INPP1: variants seen among roughly 807,000 people sequenced by gnomAD.
The protein encoded by INPP1 is inositol polyphosphate 1-phosphatase.
A neutral mutation model predicts 23.0 loss-of-function variants in INPP1; 18 were observed. The observed-to-expected ratio is 0.78, with a 90% CI of 0.54 to 1.16. INPP1 has a LOEUF of 1.16. Ranked by LOEUF, INPP1 falls within the 50% of genes most tolerant of loss-of-function variation. The pLI, the probability that INPP1 is intolerant of heterozygous loss-of-function variation, is 0.00. For missense variants in INPP1, 448 were observed against 482.1 expected, an observed-to-expected ratio of 0.93 and a Z score of 0.66; for synonymous variants, 164 against 176.3, an observed-to-expected ratio of 0.93 and a Z score of 0.55.
chr2:190,364,307 G>A (rs1463290092), intron 4 of INPP1, among the ~76,000 whole-genome samples: 1 of 151,888 alleles, frequency 6.6e-6, no homozygotes, highest in Non-Finnish European at 1.5e-5. Context: ...TGGGAGGCCA[G>A]GGCGGGTGGA....
intron 4 of INPP1, 40 bp from the exon 5 acceptor site, chr2:190,366,655 C>T (rs1217516186): frequency 1.2e-5 from 17 of 1,405,456 alleles, no homozygotes; most frequent in Non-Finnish European, 1.5e-5. Flanking sequence ...TCCACTGAAA[C>T]TCTTGAAATG....
At chr2:190,357,953 A>G (rs896364864) in intron 2 of INPP1, among the ~76,000 whole-genome samples, 1 of 152,168 alleles carries the variant, frequency 6.6e-6, no homozygotes, top group African/African-American at 2.4e-5. Flanking sequence ...TCTTAAGGAG[A>G]GAACATATTT....
chr2:190,369,699 C>G (rs1423989377), intron 6 of INPP1, among the ~76,000 whole-genome samples: 1 of 152,112 alleles, frequency 6.6e-6, no homozygotes, highest in Non-Finnish European at 1.5e-5. Flanking sequence ...GAAAATTATC[C>G]AATGAAAAGA....
chr2:190,347,954 A>G (rs982343557), intron 1 of INPP1, among the ~76,000 whole-genome samples: 1 of 152,232 alleles, frequency 6.6e-6, no homozygotes, highest in African/African-American at 2.4e-5. Context: ...CCTGGCCAAC[A>G]TGGCGAAACC....
chr2:190,347,935 C>T (rs929092068), intron 1 of INPP1, among the ~76,000 whole-genome samples: 3 of 152,128 alleles, frequency 2.0e-5, no homozygotes, highest in African/African-American at 4.8e-5. Flanking sequence ...GTCAGGAGTT[C>T]GAGACCAGCC....
At chr2:190,366,283 C>G (rs1304062579) in intron 4 of INPP1, among the ~76,000 whole-genome samples, 1 of 146,724 alleles carries the variant, frequency 6.8e-6, no homozygotes, top group African/African-American at 2.5e-5. Flanking sequence ...CTGTCTCTCT[C>G]TCGCTCTCTG....
In INPP1 at chr2:190,371,274, G is replaced by A. The variant is rs765944185; in HGVS notation, c.1072G>A (p.Glu358Lys). ...ACAGTTGGTGTACCACGTGGAAAAT[G>A]AGGGTGCTGCTGGGGTGGATCGGTG... The part of the protein sequence containing the change: ...LPQLVYHVEN[E>K]GAAGVDRWAN... The change falls in exon 7 of 7, where the codon GAG becomes AAG. Residue 358 changes from glutamate to lysine, a missense_variant. Physicochemically the swap from Glu to Lys is moderately conservative, Grantham distance 56. Coordinates refer to ENST00000392329, the MANE Select transcript of INPP1 (RefSeq NM_001128928.2). The surrounding 1 kb of genome is among the most constrained non-coding windows in gnomAD (Gnocchi z 5.3). 7.4e-6 allele frequency: 12 copies of A among 1,612,262 alleles called. No individual in the cohort carries two copies. The Admixed American group carries it at 2.0e-4, about 27-fold the overall frequency.
At chr2:190,344,756 A>G (rs1180315895) in intron 1 of INPP1, among the ~76,000 whole-genome samples, 2 of 152,216 alleles carry the variant, frequency 1.3e-5, no homozygotes, top group African/African-American at 4.8e-5. Flanking sequence ...TCTCATTTTA[A>G]AGGTATTTTT....
At chr2:190,360,349 C>T in intron 3 of INPP1, 43 bp downstream of exon 3, 1 of 1,557,270 alleles carries the variant, frequency 6.4e-7, no homozygotes, top group East Asian at 2.3e-5. Flanking sequence ...ATAGTTGCAT[C>T]TGTGGCTTTC....
At chr2:190,358,254 T>A (rs1689458731) in intron 2 of INPP1, among the ~76,000 whole-genome samples, 1 of 150,800 alleles carries the variant, frequency 6.6e-6, no homozygotes, top group Non-Finnish European at 1.5e-5. Flanking sequence ...AATTTTTGTA[T>A]TTTTTTTTAG....
At chr2:190,370,752 G>A (rs1332805305) in intron 6 of INPP1, 92 bp from the exon 7 acceptor site, 1 of 837,300 alleles carries the variant, frequency 1.2e-6, no homozygotes, top group East Asian at 2.4e-5. Context: ...ATGATGAATT[G>A]TGTATTTCTT....
intron 3 of INPP1, among the ~76,000 whole-genome samples, chr2:190,361,622 C>A (rs934988180): frequency 2.0e-5 from 3 of 152,126 alleles, no homozygotes; most frequent in African/African-American, 7.2e-5. Context: ...AAATTTCAGG[C>A]AGTTGTTTAT....
At chr2:190,365,858 GCT>G (rs370028530) in intron 4 of INPP1, among the ~76,000 whole-genome samples, 8 of 20,936 alleles carry the variant, frequency 3.8e-4, no homozygotes, top group Non-Finnish European at 4.8e-4. Flanking sequence ...TGTCTCTCTC[GCT>G]CTCTGTCTCT....
At position 190,352,208 on chromosome 2, in the gene INPP1, A is replaced by G. The variant is rs1249256820; in HGVS notation, c.-65+3177A>G. 6.6e-6 allele frequency among the ~76,000 whole-genome samples: 1 copy of G among 152,210 alleles called. No homozygotes were observed. Among genetic ancestry groups the G allele is most frequent in the African/African-American group, 2.4e-5 (1 of 41,442 alleles). ...GAAGGGCGTGTCAACCAGAGGGAGC[A>G]GCATGTGCAAATTTACAATCTTCCC... On this transcript the variant is annotated intron_variant, in intron 2 of 6. Transcript: ENST00000392329. This position sits in a 1 kb window ranked among gnomAD's most constrained non-coding sequence, Gnocchi z 4.7.
chr2:190,357,961 T>C (rs1255494636), intron 2 of INPP1, among the ~76,000 whole-genome samples: 1 of 152,126 alleles, frequency 6.6e-6, no homozygotes, highest in East Asian at 1.9e-4. Context: ...AGAGAACATA[T>C]TTTTTAGCAA....
chr2:190,352,169 C>G lies in INPP1; in HGVS notation c.-65+3138C>G, dbSNP rs1402945891. On this transcript the variant is annotated intron_variant, in intron 2 of 6. Transcript: ENST00000392329. This position sits in a 1 kb window ranked among gnomAD's most constrained non-coding sequence, Gnocchi z 4.7. The stretch of plus-strand genomic sequence containing the variant: ...CTGAGAAGGTGAGTGAGCATTAGGT[C>G]GAGAAAGCAGGAAGAAGGGCGTGTC... 6.6e-6 allele frequency among the ~76,000 whole-genome samples: 1 copy of G among 152,014 alleles called. No homozygotes were observed.
In INPP1 at chr2:190,355,812, G is replaced by A. The variant is rs532611454; in HGVS notation, c.-64-4227G>A. ...TTTAAAAAATCATCTACTTCATCACGCAGTTATCAAGCCTAGTACCCATTA... is the reference window on the plus strand; with the variant it reads ...TTTAAAAAATCATCTACTTCATCACACAGTTATCAAGCCTAGTACCCATTA... On this transcript the variant is annotated intron_variant, in intron 2 of 6. Transcript: ENST00000392329. This position sits in a 1 kb window ranked among gnomAD's most constrained non-coding sequence, Gnocchi z 5.1. 2.0e-5 allele frequency among the ~76,000 whole-genome samples: 3 copies of A among 152,144 alleles called. No individual in the cohort carries two copies. The highest frequency in any genetic ancestry group is 6.5e-5 in the Admixed American group (1 of 15,278).
chr2:190,358,443 C>T (rs914026900), intron 2 of INPP1, among the ~76,000 whole-genome samples: 16 of 152,156 alleles, frequency 1.1e-4, no homozygotes, highest in Admixed American at 6.5e-5. Context: ...GTCCTGAACT[C>T]CTGACCTCAA....
intron 2 of INPP1, among the ~76,000 whole-genome samples, chr2:190,359,216 C>T (rs373206000): frequency 3.3e-4 from 51 of 152,302 alleles, no homozygotes; most frequent in African/African-American, 1.2e-3. Flanking sequence ...GGGAAAATGA[C>T]TTGAGCCCAG....
Sources: allele counts gnomAD v4.1 joint callset (sites outside exome capture counted in the v4.1 genomes callset), GRCh38; gene constraint gnomAD v4.1.1; non-coding constraint Gnocchi (gnomAD v3.1); transcripts MANE v1.5; gene names NCBI Gene and HGNC (gene_info 2026-07-23, HGNC 2026-07-21).